Variants in TBC1D9 observed in about 807,000 individuals in gnomAD.
TBC1D9 encodes the protein TBC1 domain family member 9, also known as TBC1 domain family member 9A.
A neutral mutation model predicts 132.0 loss-of-function variants in TBC1D9; 63 were observed. The observed-to-expected ratio is 0.48, with a 90% CI of 0.39 to 0.59. TBC1D9 has a LOEUF of 0.59. Among genes scored for constraint, TBC1D9 ranks in the 20% least tolerant of loss-of-function variants. The probability of loss-of-function intolerance (pLI) is 0.00; values close to 1 mark genes in which losing one functional copy is unlikely to be tolerated. For synonymous variants in TBC1D9, 610 were observed against 609.9 expected (o/e 1.00, Z 0.00); for missense variants, 1,261 against 1,592.7 (o/e 0.79, Z 3.54).
In TBC1D9 at chr4:140,624,396, G is replaced by A. The variant is rs1291437520; in HGVS notation, c.2900-8C>T. 6 of 1,609,694 alleles carry A rather than the reference G, an allele frequency of 3.7e-6. No individual in the cohort carries two copies. The highest frequency in any genetic ancestry group is 1.7e-4 in the Middle Eastern group (1 of 6,060). ...TGCTATCCAATCCAACAACTACCAAGAAATGGTTCAGAAGAAAAAAGTAGA... is the reference window on the plus strand; with the variant it reads ...TGCTATCCAATCCAACAACTACCAAAAAATGGTTCAGAAGAAAAAAGTAGA... On this transcript the variant is annotated splice_polypyrimidine_tract_variant and splice_region_variant and intron_variant, in intron 18 of 20. Coordinates refer to ENST00000442267, the MANE Select transcript of TBC1D9 (RefSeq NM_015130.3).
At position 140,679,824 on chromosome 4, in the gene TBC1D9, T is replaced by C; in HGVS notation, c.380A>G (p.Asn127Ser). 6.2e-7 allele frequency: 1 copy of C among 1,613,084 alleles called. No individual in the cohort carries two copies. The highest frequency in any genetic ancestry group is 8.5e-7 in the Non-Finnish European group (1 of 1,179,538). Residue 127 changes from asparagine to serine, a missense_variant, in exon 4 of 21, where the codon AAC becomes AGC. Asn to Ser is a conservative substitution (Grantham distance 46). This residue lies in a region of TBC1D9 where 550 missense variants were observed against 699.0 expected (regional missense o/e 0.79). Transcript: ENST00000442267. ...GKIQGIIAEY[N>S]KINDVKEDDD... The stretch of plus-strand genomic sequence containing the variant: ...ATCTTCCTTTACATCATTGATTTTG[T>C]TGTATTCTGCAATGATGCCCTAATA...
intron 1 of TBC1D9, among the ~76,000 whole-genome samples, chr4:140,740,760 T>G (rs1171653310): frequency 6.6e-6 from 1 of 152,012 alleles, no homozygotes; most frequent in Non-Finnish European, 1.5e-5. Context: ...TAGAGAGGAG[T>G]GAGACTTATA....
chr4:140,661,822 C>T (rs1271723969), intron 10 of TBC1D9, 71 bp downstream of exon 10: 2 of 1,307,724 alleles, frequency 1.5e-6, no homozygotes, highest in Non-Finnish European at 2.1e-6. Flanking sequence ...AACCTTCCTT[C>T]CCACTATTTG....
chr4:140,682,695 A>G (rs1737724440), intron 3 of TBC1D9, among the ~76,000 whole-genome samples: 2 of 152,196 alleles, frequency 1.3e-5, no homozygotes. Flanking sequence ...ACCAAAGGCT[A>G]ACAACTTAGA....
At position 140,624,307 on chromosome 4, in the gene TBC1D9, T is replaced by C; in HGVS notation, c.2974+7A>G. On this transcript the variant is annotated splice_region_variant and intron_variant, in intron 19 of 20. Coordinates refer to ENST00000442267, the MANE Select transcript of TBC1D9 (RefSeq NM_015130.3). Reference sequence around the variant, plus strand: ...GAAGGTAAACATATAGAAGAGAATATCCTTACCTTTGTCTGGCTTTAGGCT... The same window carrying C: ...GAAGGTAAACATATAGAAGAGAATACCCTTACCTTTGTCTGGCTTTAGGCT... The C allele has an allele frequency of 6.2e-7, 1 of 1,613,442 alleles. No individual in the cohort carries two copies. Among genetic ancestry groups the C allele is most frequent in the Non-Finnish European group, 8.5e-7 (1 of 1,179,688 alleles).
At chr4:140,661,327 A>T (rs916525910) in intron 10 of TBC1D9, among the ~76,000 whole-genome samples, 1 of 152,206 alleles carries the variant, frequency 6.6e-6, no homozygotes, top group Non-Finnish European at 1.5e-5. Flanking sequence ...CTTAATACTA[A>T]GTTAAGCACT....
intron 1 of TBC1D9, among the ~76,000 whole-genome samples, chr4:140,731,288 G>A (rs978588257): frequency 1.1e-4 from 16 of 152,266 alleles, no homozygotes; most frequent in Middle Eastern, 3.4e-3. Flanking sequence ...TCAGCACAGT[G>A]CCAGGCTCTC....
intron 1 of TBC1D9, among the ~76,000 whole-genome samples, chr4:140,746,677 A>C (rs1215183462): frequency 6.6e-6 from 1 of 152,200 alleles, no homozygotes; most frequent in Admixed American, 6.5e-5. Flanking sequence ...ATAAGAGCCA[A>C]GCGAAAGGGG....
At chr4:140,691,983 G>T (rs1400275398) in intron 2 of TBC1D9, among the ~76,000 whole-genome samples, 1 of 152,190 alleles carries the variant, frequency 6.6e-6, no homozygotes, top group East Asian at 1.9e-4. Context: ...TCCACTGATA[G>T]ATATTTGGCA....
Position 140,677,451 on chromosome 4 carries a change from G to T in TBC1D9, c.852-350C>A, listed in dbSNP as rs192965296. On this transcript the variant is annotated intron_variant, in intron 5 of 20. Transcript: ENST00000442267. The stretch of plus-strand genomic sequence containing the variant: ...ATTTACTCTTATCCAAGCCACTTTA[G>T]GGGGGGCCTTATCTTTTAAGACCTA... 3.8e-3 allele frequency among the ~76,000 whole-genome samples: 583 copies of T among 152,060 alleles called. 3 individuals are homozygous for T. Among genetic ancestry groups the T allele is most frequent in the Non-Finnish European group, 5.8e-3 (392 of 67,984 alleles).
chr4:140,747,020 A>T (rs994491656), intron 1 of TBC1D9, among the ~76,000 whole-genome samples: 4 of 149,614 alleles, frequency 2.7e-5, no homozygotes, highest in Non-Finnish European at 6.0e-5. Flanking sequence ...AAAATAAAAA[A>T]TAAATAAATA....
intron 1 of TBC1D9, among the ~76,000 whole-genome samples, chr4:140,738,891 G>A (rs768956670): frequency 3.9e-5 from 6 of 152,176 alleles, no homozygotes; most frequent in Non-Finnish European, 7.3e-5. Context: ...CTGGCATACA[G>A]TTATATAACT....
chr4:140,627,925 T>G (rs960798202), intron 17 of TBC1D9, among the ~76,000 whole-genome samples: 1 of 152,226 alleles, frequency 6.6e-6, no homozygotes, highest in Non-Finnish European at 1.5e-5. Context: ...AGATCCCAGC[T>G]GGTACCAACC....
At chr4:140,727,662 C>A (rs537336577) in intron 1 of TBC1D9, among the ~76,000 whole-genome samples, 2 of 152,296 alleles carry the variant, frequency 1.3e-5, no homozygotes, top group African/African-American at 4.8e-5. Context: ...CAGATTCTTG[C>A]TGAATACAGT....
chr4:140,711,592 C>T (rs1056600479), intron 1 of TBC1D9, among the ~76,000 whole-genome samples: 13 of 152,036 alleles, frequency 8.6e-5, no homozygotes, highest in South Asian at 2.1e-4. Flanking sequence ...AACTTGGCAA[C>T]GAAATAATAT....
Position 140,634,007 on chromosome 4 carries a change from T to C in TBC1D9, c.2687A>G (p.Gln896Arg), listed in dbSNP as rs745489152. ...HSDVLASRLF[Q>R]LLDENGDSLI... ...AGAGTCTCCATTTTCATCTAATAAC[T>C]GGAACAAGCGGGAGGCCAGAACGTC... The change falls in exon 16 of 21, where the codon CAG becomes CGG. Residue 896 changes from glutamine to arginine, a missense_variant. Gln to Arg is a conservative substitution (Grantham distance 43). Coordinates refer to ENST00000442267, the MANE Select transcript of TBC1D9 (RefSeq NM_015130.3). 3.3e-5 allele frequency: 53 copies of C among 1,613,816 alleles called. 1 individual carries two copies. In the South Asian group the frequency reaches 5.5e-4, roughly 17 times the overall value.
chr4:140,623,204 C>T lies in TBC1D9; in HGVS notation c.3079-287G>A, dbSNP rs556734162. Among the ~76,000 whole-genome samples, 9 of 152,174 alleles carry T rather than the reference C, an allele frequency of 5.9e-5. No individual in the cohort carries two copies. The South Asian group carries it at 1.7e-3, about 28-fold the overall frequency. On this transcript the variant is annotated intron_variant, in intron 20 of 20. Transcript: ENST00000442267. ...GGCTCACATGAACCTCCCACCTCAG[C>T]CCCCCAGGCACACACCACTATACTC...
At chr4:140,629,784 T>G (rs1419075929) in intron 16 of TBC1D9, among the ~76,000 whole-genome samples, 2 of 152,164 alleles carry the variant, frequency 1.3e-5, no homozygotes, top group African/African-American at 4.8e-5. Flanking sequence ...ACAGTGGAGT[T>G]TCTTAATGAT....
rs1389596821 is a variant in TBC1D9 at position 140,639,144 on chromosome 4, A to G, written c.2447T>C (p.Ile816Thr). ...AATGGTAAAGGAAGTTTCTGTCACA[A>G]TGGTTCGTACCTATAAAAATATTAA... is the stretch of plus-strand genomic sequence containing the variant. ...DTTKRNVVRT[I>T]VTETSFTIDE... is the part of the protein sequence containing the mutation. The change falls in exon 15 of 21, where the codon ATT becomes ACT. Residue 816 changes from isoleucine (I) to threonine (T), a missense_variant. Ile to Thr is a moderately conservative substitution (Grantham distance 89, BLOSUM62 -1). Around this residue, in one of 3 missense-constraint regions of TBC1D9, gnomAD observed 618 missense variants for 724.4 expected, o/e 0.85. Transcript: ENST00000442267. 2 of 1,582,458 alleles carry G rather than the reference A, an allele frequency of 1.3e-6. No individual in the cohort carries two copies. The highest frequency in any genetic ancestry group is 1.7e-6 in the Non-Finnish European group (2 of 1,162,642).
Sources: allele counts gnomAD v4.1 joint callset (sites outside exome capture counted in the v4.1 genomes callset), GRCh38; gene constraint gnomAD v4.1.1; regional missense constraint gnomAD v4.1.1; transcripts MANE v1.5; gene names NCBI Gene and HGNC (gene_info 2026-07-23, HGNC 2026-07-21).